TBCD: variants seen among roughly 807,000 people sequenced by gnomAD.
TBCD encodes the protein tubulin folding cofactor D.
Under a neutral mutation model 169.3 loss-of-function variants are expected in TBCD, and 105 were observed. The observed-to-expected ratio is 0.62, with a 90% confidence interval of 0.53 to 0.73. TBCD has a LOEUF of 0.73. Ranked by LOEUF, TBCD falls within the 30% of genes least tolerant of loss-of-function variation. The pLI, the probability that TBCD is intolerant of heterozygous loss-of-function variation, is 0.00. For synonymous variants in TBCD, 700 were observed against 643.9 expected (o/e 1.09, Z -1.32); for missense variants, 1,444 against 1,600.1 (o/e 0.90, Z 1.66).
At chr17:82,904,488 C>T (rs372289175) in intron 19 of TBCD, among the ~76,000 whole-genome samples, 159 of 152,382 alleles carry the variant, frequency 1.0e-3, no homozygotes, top group Middle Eastern at 6.8e-3. Flanking sequence ...CCAGGACTAA[C>T]ATCACCTTGG....
rs1272877059 is a variant in TBCD, at chr17:82,807,619, G to T, written c.1099G>T (p.Val367Phe). Residue 367 changes from valine (V) to phenylalanine (F), a missense_variant, in exon 11 of 39, where the codon GTC becomes TTC. Coordinates refer to ENST00000355528, the MANE Select transcript of TBCD (RefSeq NM_005993.5). ...GVERVIEQLL[V>F]GLKDKDTVVR... is the part of the protein sequence containing the mutation. ...TCCTCTTCCTACAGAGCAGCTGCTGGTCGGGCTGAAGGACAAGGACACGGT... is the reference window on the plus strand; with the variant it reads ...TCCTCTTCCTACAGAGCAGCTGCTGTTCGGGCTGAAGGACAAGGACACGGT... 1.5e-5 allele frequency: 23 copies of T among 1,546,068 alleles called. No homozygotes were observed. Among genetic ancestry groups the T allele is most frequent in the Non-Finnish European group, 2.0e-5 (23 of 1,145,170 alleles).
intron 1 of TBCD, 58 bp downstream of exon 1, chr17:82,752,435 G>C (rs1006220635): frequency 4.3e-6 from 5 of 1,173,694 alleles, no homozygotes; most frequent in East Asian, 3.8e-5. Flanking sequence ...GGCGCGCTGA[G>C]TGCACTTTAC....
intron 6 of TBCD, among the ~76,000 whole-genome samples, chr17:82,777,675 G>A (rs183257892): frequency 2.0e-5 from 3 of 152,208 alleles, no homozygotes; most frequent in Admixed American, 1.3e-4. Context: ...CTAACTAAAC[G>A]GCAGAGCCAG....
rs766894924 is a variant in TBCD at position 82,929,166 on chromosome 17, G to A, written c.2747G>A (p.Arg916His). The A allele has an allele frequency of 1.9e-6, 3 of 1,613,368 alleles. No individual in the cohort carries two copies. The highest frequency in any genetic ancestry group is 4.5e-5 in the East Asian group (2 of 44,882). The change falls in exon 31 of 39, where the codon CGT becomes CAT. Residue 916 changes from arginine to histidine, a missense_variant. Arg to His is a conservative substitution (Grantham distance 29). Transcript: ENST00000355528. ...CAGCAGGCCAGTGAGAAGATTGACC[G>A]TTTCCGTGCTCACGCCGCCAGCGTG... ...VAQQASEKID[R>H]FRAHAASVFL...
At chr17:82,910,486 T>TA (rs1331625720) in intron 22 of TBCD, among the ~76,000 whole-genome samples, 1 of 152,228 alleles carries the variant, frequency 6.6e-6, no homozygotes, top group Admixed American at 6.5e-5. Context: ...ACTCTTCATA[T>TA]ATTCCAGATG....
In TBCD at chr17:82,903,259, A is replaced by AG; in HGVS notation, c.1731-146_1731-145insG. The stretch of plus-strand genomic sequence containing the variant: ...GTCTGTTGGAGTCGGAGGTTCTTGT[A>AG]CTGGTTCGTGTGAGTGAGTGAGTGA... On this transcript the variant is annotated intron_variant, in intron 18 of 38. Coordinates refer to ENST00000355528, the MANE Select transcript of TBCD (RefSeq NM_005993.5). The surrounding 1 kb of genome is among the most constrained non-coding windows in gnomAD (Gnocchi z 4.8). 5.7e-6 allele frequency: 4 copies of AG among 707,820 alleles called. No homozygotes were observed. The highest frequency in any genetic ancestry group is 9.9e-6 in the Non-Finnish European group (4 of 403,662). 43.8% of individuals were successfully genotyped at this position (707,820 alleles called of 1,614,324 possible). A position where few individuals can be genotyped will look rare whatever the true frequency, so the allele number is the denominator to read the frequency against.
chr17:82,836,974 A>G (rs1317153729), intron 13 of TBCD, among the ~76,000 whole-genome samples: 1 of 152,130 alleles, frequency 6.6e-6, no homozygotes, highest in Non-Finnish European at 1.5e-5. Context: ...CTCGAAGGGA[A>G]TTGGTGTCGA....
intron 17 of TBCD, among the ~76,000 whole-genome samples, chr17:82,895,444 TG>T (rs1293010431): frequency 6.6e-6 from 1 of 152,192 alleles, no homozygotes; most frequent in Non-Finnish European, 1.5e-5. Context: ...CCCTGGGCCC[TG>T]GCGGGGAGCT....
At chr17:82,919,027 G>A (rs770637106) in intron 23 of TBCD, among the ~76,000 whole-genome samples, 10 of 152,164 alleles carry the variant, frequency 6.6e-5, no homozygotes, top group Non-Finnish European at 1.5e-4. Context: ...AAAAATCCTC[G>A]AAGAAATTTT....
Position 82,782,677 on chromosome 17 carries a change from A to T in TBCD, c.771+956A>T, listed in dbSNP as rs191065852. Reference sequence around the variant, plus strand: ...TTTGGAGCGCGTTTTAGGGGAGATGATGAGTGCCACCTCGCCACGGCGTCC... The same window carrying T: ...TTTGGAGCGCGTTTTAGGGGAGATGTTGAGTGCCACCTCGCCACGGCGTCC... On this transcript the variant is annotated intron_variant, in intron 7 of 38. Coordinates refer to ENST00000355528, the MANE Select transcript of TBCD (RefSeq NM_005993.5). The surrounding 1 kb of genome is among the most constrained non-coding windows in gnomAD (Gnocchi z 5.1). 3.3e-5 allele frequency among the ~76,000 whole-genome samples: 5 copies of T among 152,212 alleles called. No homozygotes were observed. The highest frequency in any genetic ancestry group is 1.2e-4 in the African/African-American group (5 of 41,534).
At position 82,830,054 on chromosome 17, in the gene TBCD, A is replaced by G. The variant is rs572562408; in HGVS notation, c.1318+15120A>G. The G allele has an allele frequency of 7.4e-5, 117 of 1,573,000 alleles. No individual in the cohort carries two copies. The East Asian group carries it at 2.3e-3, about 31-fold the overall frequency. ...CAGCAGCTGCATTTGTAAAAATGTG[A>G]AAGTGCCAGTTCAGAGGTGTTGTAG... is the stretch of plus-strand genomic sequence containing the variant. On this transcript the variant is annotated intron_variant, in intron 13 of 38. Coordinates refer to ENST00000355528, the MANE Select transcript of TBCD (RefSeq NM_005993.5).
chr17:82,801,969 G>A (rs1421672130), intron 9 of TBCD, among the ~76,000 whole-genome samples: 1 of 151,492 alleles, frequency 6.6e-6, no homozygotes. Context: ...CATGTGTGTC[G>A]TGTGGCTCGG....
intron 13 of TBCD, among the ~76,000 whole-genome samples, chr17:82,843,689 C>T (rs1490676914): frequency 3.3e-5 from 5 of 152,038 alleles, no homozygotes; most frequent in Admixed American, 1.3e-4. Context: ...TATGCTTTGC[C>T]CCAAACACTT....
intron 7 of TBCD, among the ~76,000 whole-genome samples, chr17:82,786,560 G>T (rs1367207942): frequency 6.6e-6 from 1 of 152,242 alleles, no homozygotes; most frequent in African/African-American, 2.4e-5. Flanking sequence ...TGGGTCAGCA[G>T]GATATCCCAG....
chr17:82,759,848 C>T (rs2047656992), intron 2 of TBCD, among the ~76,000 whole-genome samples: 1 of 150,040 alleles, frequency 6.7e-6, no homozygotes, highest in African/African-American at 2.5e-5. Flanking sequence ...TTCCATTGAC[C>T]TATCTGTATG....
intron 28 of TBCD, 188 bp from the exon 29 acceptor site, chr17:82,926,998 G>C (rs988178972): frequency 7.6e-6 from 6 of 793,004 alleles, no homozygotes; most frequent in Admixed American, 3.0e-5. Context: ...ACGGCAGAGC[G>C]TGACCTCGGG....
chr17:82,834,601 A>G (rs1394510683), intron 13 of TBCD, among the ~76,000 whole-genome samples: 1 of 152,118 alleles, frequency 6.6e-6, no homozygotes, highest in Non-Finnish European at 1.5e-5. Flanking sequence ...CAGCATCCTC[A>G]GCAAACTAAC....
intron 13 of TBCD, among the ~76,000 whole-genome samples, chr17:82,859,337 T>C (rs964613584): frequency 4.7e-5 from 7 of 147,436 alleles, no homozygotes; most frequent in African/African-American, 1.8e-4. Context: ...CGGCTCTGTG[T>C]CCTCCCTACA....
chr17:82,900,803 G>C, intron 18 of TBCD, 72 bp downstream of exon 18: 1 of 1,127,556 alleles, frequency 8.9e-7, no homozygotes, highest in Non-Finnish European at 1.3e-6. Context: ...GAGCTTATAA[G>C]CCTTGAGTGT....
Sources: gnomAD v4.1 joint callset for allele counts (sites outside exome capture counted in the v4.1 genomes callset) on GRCh38, gnomAD v4.1.1 for gene constraint, Gnocchi (gnomAD v3.1) non-coding constraint, MANE v1.5 for transcripts, NCBI Gene and HGNC (gene_info 2026-07-23, HGNC 2026-07-21) for gene names.